ITGBL1: variants seen among roughly 807,000 people sequenced by gnomAD.
ITGBL1 encodes the protein integrin beta-like protein 1.
In ITGBL1, 51 loss-of-function variants were observed where a neutral mutation model predicts 68.5. The ratio of observed to expected loss-of-function variants is 0.74; its 90% CI spans 0.59 to 0.94. The LOEUF is 0.94. Ranked by LOEUF, ITGBL1 falls within the 40% of genes least tolerant of loss-of-function variation. The probability of loss-of-function intolerance (pLI) is 0.00; values close to 1 mark genes in which losing one functional copy is unlikely to be tolerated. For synonymous variants in ITGBL1, 209 were observed against 227.3 expected (o/e 0.92, Z 0.72); for missense variants, 649 against 647.4 (o/e 1.00, Z -0.03).
chr13:101,575,553 A>G lies in ITGBL1; in HGVS notation c.586+7A>G, dbSNP rs779439323. 8 of 1,610,384 alleles carry G rather than the reference A, an allele frequency of 5.0e-6. No individual in the cohort carries two copies. The African/African-American group carries it at 5.4e-5, about 11-fold the overall frequency. ...ACAGAAGAAATATGTGGAGGTATGT[A>G]TATTGGCTCTGTAGAAATTAATAAA... On this transcript the variant is annotated splice_region_variant and intron_variant, in intron 4 of 10. Transcript: ENST00000376180.
At chr13:101,613,774 C>T (rs918738371) in intron 7 of ITGBL1, among the ~76,000 whole-genome samples, 22 of 152,112 alleles carry the variant, frequency 1.4e-4, no homozygotes, top group African/African-American at 4.3e-4. Flanking sequence ...TCCCACCCGA[C>T]TTGATTTGTC....
At chr13:101,671,452 T>TTTTTTTG (rs1372286973) in intron 7 of ITGBL1, among the ~76,000 whole-genome samples, 1 of 134,096 alleles carries the variant, frequency 7.5e-6, no homozygotes, top group African/African-American at 2.6e-5. Flanking sequence ...TTTTTGTTTT[T>TTTTTTTG]TTTTGAGACG....
In ITGBL1 at chr13:101,691,578, G is replaced by A. The variant is rs1594983912; in HGVS notation, c.1016-1007G>A. On this transcript the variant is annotated intron_variant, in intron 7 of 10. Transcript: ENST00000376180. Reference sequence around the variant, plus strand: ...GGGCTAATGACAGGGAGTAACAGATGTCTCGGAGCACTGTCACCCAAGCAA... The same window carrying A: ...GGGCTAATGACAGGGAGTAACAGATATCTCGGAGCACTGTCACCCAAGCAA... 2.6e-5 allele frequency among the ~76,000 whole-genome samples: 4 copies of A among 152,166 alleles called. No homozygotes were observed. The East Asian group carries it at 7.7e-4, about 29-fold the overall frequency.
intron 2 of ITGBL1, among the ~76,000 whole-genome samples, chr13:101,561,185 G>C (rs2139235791): frequency 6.6e-6 from 1 of 152,254 alleles, no homozygotes; most frequent in Admixed American, 6.5e-5. Context: ...GAAGCCCCGG[G>C]TGCTGCAGAA....
chr13:101,523,645 GT>G (rs147753001), intron 2 of ITGBL1, among the ~76,000 whole-genome samples: 1,835 of 152,232 alleles, frequency 0.012, 23 homozygotes, highest in Non-Finnish European at 0.019. Context: ...CACTAGAGGA[GT>G]TTATGTTGTT....
At chr13:101,611,397 C>G (rs1015142795) in intron 7 of ITGBL1, among the ~76,000 whole-genome samples, 1 of 152,212 alleles carries the variant, frequency 6.6e-6, no homozygotes, top group East Asian at 1.9e-4. Flanking sequence ...TAACTACTGA[C>G]AGAAGATGAG....
chr13:101,692,553 T>C (rs1187767394), intron 7 of ITGBL1, 32 bp from the exon 8 acceptor site: 1 of 1,447,804 alleles, frequency 6.9e-7, no homozygotes, highest in Non-Finnish European at 9.7e-7. Flanking sequence ...GGGACTCTCC[T>C]CATAAGTGTG....
intron 7 of ITGBL1, among the ~76,000 whole-genome samples, chr13:101,600,438 C>T (rs201271408): frequency 5.8e-4 from 83 of 143,440 alleles, no homozygotes; most frequent in African/African-American, 1.4e-3. Context: ...TTCCCTTCTC[C>T]TGCCTGATTG....
At chr13:101,551,127 AAGAAG>A (rs1018902443) in intron 2 of ITGBL1, among the ~76,000 whole-genome samples, 1 of 152,160 alleles carries the variant, frequency 6.6e-6, no homozygotes, top group African/African-American at 2.4e-5. Flanking sequence ...GGGTAGGAGA[AAGAAG>A]AGAAGTTGTC....
chr13:101,715,501 A>G (rs924045414), intron 10 of ITGBL1, 62 bp from the exon 11 acceptor site: 13 of 1,081,890 alleles, frequency 1.2e-5, no homozygotes, highest in East Asian at 4.7e-5. Flanking sequence ...GATTTATAAT[A>G]GCATGTTTAA....
intron 7 of ITGBL1, among the ~76,000 whole-genome samples, chr13:101,675,661 G>A (rs1168182075): frequency 1.3e-5 from 2 of 152,068 alleles, no homozygotes; most frequent in Non-Finnish European, 2.9e-5. Context: ...CTGAGGTACT[G>A]GTAATTAGGA....
intron 2 of ITGBL1, among the ~76,000 whole-genome samples, chr13:101,521,671 A>C (rs1430848020): frequency 6.6e-6 from 1 of 152,112 alleles, no homozygotes; most frequent in African/African-American, 2.4e-5. Context: ...TCCTGGCAGC[A>C]TGGAGAAGGC....
At chr13:101,676,790 C>G (rs2033513619) in intron 7 of ITGBL1, among the ~76,000 whole-genome samples, 2 of 152,004 alleles carry the variant, frequency 1.3e-5, no homozygotes, top group Non-Finnish European at 2.9e-5. Flanking sequence ...AGAATAATGT[C>G]AGTATAAGAT....
chr13:101,714,610 C>G (rs1291458132), intron 10 of ITGBL1, 59 bp downstream of exon 10: 2 of 1,014,180 alleles, frequency 2.0e-6, no homozygotes, highest in African/African-American at 3.2e-5. Context: ...AGCCAAGAGA[C>G]ACTCGTCATG....
intron 7 of ITGBL1, among the ~76,000 whole-genome samples, chr13:101,631,039 T>C (rs1267523274): frequency 6.6e-6 from 1 of 152,186 alleles, no homozygotes; most frequent in Non-Finnish European, 1.5e-5. Flanking sequence ...TGTCCTCTTC[T>C]TGGAGATGTT....
At position 101,681,806 on chromosome 13, in the gene ITGBL1, GTGTGCGCA is replaced by G. The variant is rs1319059771; in HGVS notation, c.1016-10766_1016-10759del. Among the ~76,000 whole-genome samples, 6 of 152,124 alleles carry G rather than the reference GTGTGCGCA, an allele frequency of 3.9e-5. No individual in the cohort carries two copies. The East Asian group carries it at 7.7e-4, about 20-fold the overall frequency. On this transcript the variant is annotated intron_variant, in intron 7 of 10. Coordinates refer to ENST00000376180, the MANE Select transcript of ITGBL1 (RefSeq NM_004791.3). Reference sequence around the variant, plus strand: ...GTGGTGTGTGTCTGTGTGTGTGTGGGTGTGCGCATGTGCGCATGTGTGTATATGTGTGT... The same window carrying G: ...GTGGTGTGTGTCTGTGTGTGTGTGGGTGTGCGCATGTGTGTATATGTGTGT...
intron 7 of ITGBL1, among the ~76,000 whole-genome samples, chr13:101,642,884 C>T (rs1192028403): frequency 5.9e-5 from 9 of 151,270 alleles, no homozygotes; most frequent in East Asian, 3.9e-4. Context: ...AGATATGCAG[C>T]GTTATTTCTG....
intron 7 of ITGBL1, among the ~76,000 whole-genome samples, chr13:101,655,405 T>C (rs1279086530): frequency 5.0e-5 from 1 of 19,832 alleles, no homozygotes; most frequent in East Asian, 1.1e-3. Flanking sequence ...AATTTATGCA[T>C]TAATTATCTT....
chr13:101,561,827 G>T (rs1295763992), intron 2 of ITGBL1, among the ~76,000 whole-genome samples: 1 of 152,122 alleles, frequency 6.6e-6, no homozygotes, highest in Non-Finnish European at 1.5e-5. Flanking sequence ...TAAATGTAAA[G>T]GAAGTTCTTT....
Sources: gnomAD v4.1 joint callset for allele counts (sites outside exome capture counted in the v4.1 genomes callset) on GRCh38, gnomAD v4.1.1 for gene constraint, MANE v1.5 for transcripts, NCBI Gene and HGNC (gene_info 2026-07-23, HGNC 2026-07-21) for gene names.